Variants in HHIP observed in about 807,000 individuals in gnomAD.
HHIP encodes the protein hedgehog-interacting protein.
In HHIP, 12 loss-of-function variants were observed where a neutral mutation model predicts 74.0. The observed-to-expected ratio is 0.16, with a 90% CI of 0.10 to 0.26. The LOEUF is 0.26. Ranked by LOEUF, HHIP falls within the 10% of genes least tolerant of loss-of-function variation. The pLI is 1.00. For synonymous variants in HHIP, 309 were observed against 311.6 expected (o/e 0.99, Z 0.09); for missense variants, 788 against 845.0 (o/e 0.93, Z 0.84).
chr4:144,650,163 T>C (rs896974756), intron 1 of HHIP, among the ~76,000 whole-genome samples: 8 of 152,116 alleles, frequency 5.3e-5, no homozygotes, highest in African/African-American at 1.9e-4. Context: ...CTGTCACCCA[T>C]TTTACTATTT....
At chr4:144,721,216 T>C (rs1435414743) in intron 11 of HHIP, among the ~76,000 whole-genome samples, 1 of 152,172 alleles carries the variant, frequency 6.6e-6, no homozygotes, top group Non-Finnish European at 1.5e-5. Flanking sequence ...TTATTTTCTA[T>C]ATTATATGTC....
At chr4:144,710,949 C>T (rs755388027) in intron 7 of HHIP, among the ~76,000 whole-genome samples, 5 of 152,198 alleles carry the variant, frequency 3.3e-5, no homozygotes, top group Non-Finnish European at 5.9e-5. Flanking sequence ...TCCTCATACC[C>T]AGTCCCTCAG....
At chr4:144,655,472 G>A (rs542468430) in intron 2 of HHIP, among the ~76,000 whole-genome samples, 4 of 152,136 alleles carry the variant, frequency 2.6e-5, no homozygotes, top group African/African-American at 9.6e-5. Flanking sequence ...ATCACTCTTC[G>A]ACCTCATCTT....
At chr4:144,672,704 TTTTA>T (rs1348070183) in intron 4 of HHIP, among the ~76,000 whole-genome samples, 1 of 152,044 alleles carries the variant, frequency 6.6e-6, no homozygotes, top group Non-Finnish European at 1.5e-5. Context: ...TTAATTTTTA[TTTTA>T]TTTATTTATT....
rs908177230 is a variant in HHIP at position 144,724,675 on chromosome 4, T to A, written c.1760+5719T>A. The stretch of plus-strand genomic sequence containing the variant: ...GTGTGTGTGTGTGTGTGTGTATATA[T>A]ATATATTTATATATATATATAAGTA... On this transcript the variant is annotated intron_variant, in intron 11 of 12. Coordinates refer to ENST00000296575, the MANE Select transcript of HHIP (RefSeq NM_022475.3). 2.2e-4 allele frequency among the ~76,000 whole-genome samples: 21 copies of A among 94,952 alleles called. No homozygotes were observed. In the Admixed American group the frequency reaches 2.6e-3, roughly 12 times the overall value. The allele number at this position is 94,952 out of a possible 152,430, so 62.3% of individuals were successfully genotyped here. A position where few individuals can be genotyped will look rare whatever the true frequency, so the allele number is the denominator to read the frequency against.
chr4:144,647,915 G>C (rs1204642723), intron 1 of HHIP, among the ~76,000 whole-genome samples: 1 of 151,724 alleles, frequency 6.6e-6, no homozygotes, highest in African/African-American at 2.4e-5. Flanking sequence ...TCCTCTGTTA[G>C]AACACTGCCA....
rs1015771239 is a variant in HHIP at position 144,738,739 on chromosome 4, C to A, written c.*782C>A. 3 of 837,304 alleles carry A rather than the reference C, an allele frequency of 3.6e-6. No homozygotes were observed. Among genetic ancestry groups the A allele is most frequent in the African/African-American group, 3.7e-5 (2 of 54,012 alleles). The allele number at this position is 837,304 out of a possible 1,614,324, so 51.9% of individuals were successfully genotyped here. A position where few individuals can be genotyped will look rare whatever the true frequency, so the allele number is the denominator to read the frequency against. ...TATAGACATCACCTAGATGAAACAC[C>A]TTTACCCTGTCCTGTAAAACACTAA... On this transcript the variant is annotated 3_prime_UTR_variant, in exon 13 of 13. Transcript: ENST00000296575.
chr4:144,681,937 A>G (rs1322289872), intron 4 of HHIP, among the ~76,000 whole-genome samples: 1 of 152,198 alleles, frequency 6.6e-6, no homozygotes, highest in Non-Finnish European at 1.5e-5. Flanking sequence ...GAATCATGCC[A>G]CCTAGCTCTT....
intron 4 of HHIP, among the ~76,000 whole-genome samples, chr4:144,692,974 GAC>G (rs1295722508): frequency 1.3e-5 from 2 of 152,094 alleles, no homozygotes; most frequent in Non-Finnish European, 2.9e-5. Context: ...ATAGGAATCT[GAC>G]ACATGAGGAC....
At chr4:144,728,702 G>C (rs905549861) in intron 11 of HHIP, among the ~76,000 whole-genome samples, 1 of 152,076 alleles carries the variant, frequency 6.6e-6, no homozygotes, top group Non-Finnish European at 1.5e-5. Flanking sequence ...ACTTCAGATA[G>C]TACTTGAAAA....
chr4:144,724,648 TTG>T (rs10565498), intron 11 of HHIP, among the ~76,000 whole-genome samples: 24,117 of 142,278 alleles, frequency 0.17, 2,852 homozygotes, highest in African/African-American at 0.31. Context: ...CAGTCTTCTT[TTG>T]TGTGTGTGTG....
At chr4:144,659,166 A>G (rs1728632739) in intron 3 of HHIP, among the ~76,000 whole-genome samples, 1 of 152,036 alleles carries the variant, frequency 6.6e-6, no homozygotes, top group African/African-American at 2.4e-5. Flanking sequence ...CTTCTCTATG[A>G]CTCATGTCAA....
At chr4:144,664,769 T>C (rs1416781116) in intron 4 of HHIP, among the ~76,000 whole-genome samples, 1 of 152,218 alleles carries the variant, frequency 6.6e-6, no homozygotes, top group African/African-American at 2.4e-5. Context: ...ATTATATTTG[T>C]TAAATATTAC....
At chr4:144,661,295 T>A (rs1728707556) in intron 4 of HHIP, 1 of 152,202 alleles carries the variant, frequency 6.6e-6, no homozygotes, top group Admixed American at 6.5e-5. Flanking sequence ...AGTATGTGTA[T>A]TCTGCAGTCT....
Position 144,707,192 on chromosome 4 carries a change from C to T in HHIP, c.1089C>T (p.Gly363=). ...GACAACTGCTCTTTGGCCCTGACGGCTTTTTGTACATCATTCTTGGTGATG... is the reference window on the plus strand; with the variant it reads ...GACAACTGCTCTTTGGCCCTGACGGTTTTTTGTACATCATTCTTGGTGATG... ...LGGQLLFGPD[G]FLYIILGDGM... The change falls in exon 6 of 13, where the codon GGC becomes GGT. Residue 363 remains glycine, a synonymous_variant. Transcript: ENST00000296575. The T allele has an allele frequency of 6.2e-7, 1 of 1,613,982 alleles. No homozygotes were observed. The highest frequency in any genetic ancestry group is 8.5e-7 in the Non-Finnish European group (1 of 1,179,948).
chr4:144,683,690 T>C (rs988236477), intron 4 of HHIP, among the ~76,000 whole-genome samples: 15 of 152,172 alleles, frequency 9.9e-5, no homozygotes, highest in African/African-American at 3.4e-4. Context: ...TTTTTGTAAA[T>C]AAAGTTTTAT....
At position 144,738,265 on chromosome 4, in the gene HHIP, TG is replaced by T. The variant is rs1395961195; in HGVS notation, c.*309del. 1.0e-6 allele frequency: 1 copy of T among 992,500 alleles called. No individual in the cohort carries two copies. The allele number at this position is 992,500 out of a possible 1,614,324, so 61.5% of individuals were successfully genotyped here. On this transcript the variant is annotated 3_prime_UTR_variant, in exon 13 of 13. Coordinates refer to ENST00000296575, the MANE Select transcript of HHIP (RefSeq NM_022475.3). ...TTGTAAATTGATAATGGATTTTTTA[TG>T]TTACTAGAAGAGATTATTTGACTTC...
Position 144,708,236 on chromosome 4 carries a change from C to G in HHIP, c.1226C>G (p.Pro409Arg). 1 of 1,614,062 alleles carries G rather than the reference C, an allele frequency of 6.2e-7. No homozygotes were observed. Among genetic ancestry groups the G allele is most frequent in the Non-Finnish European group, 8.5e-7 (1 of 1,179,964 alleles). The change falls in exon 7 of 13, where the codon CCA becomes CGA. Residue 409 changes from proline (P) to arginine (R), a missense_variant. Pro to Arg is a moderately radical substitution (Grantham distance 103). Coordinates refer to ENST00000296575, the MANE Select transcript of HHIP (RefSeq NM_022475.3). ...TDMCNVPYSIPRSNPHFNSTN... is the reference protein window; with the variant it reads ...TDMCNVPYSIRRSNPHFNSTN... ...ATGTGCAACGTGCCTTATTCCATAC[C>G]AAGGAGCAACCCACACTTCAACAGC...
intron 4 of HHIP, among the ~76,000 whole-genome samples, chr4:144,695,111 A>G (rs1404962514): frequency 6.6e-6 from 1 of 151,832 alleles, no homozygotes; most frequent in Non-Finnish European, 1.5e-5. Flanking sequence ...TCCAAAGGAA[A>G]TACTTGCTTT....
Sources: gnomAD v4.1 joint callset for allele counts (sites outside exome capture counted in the v4.1 genomes callset) on GRCh38, gnomAD v4.1.1 for gene constraint, MANE v1.5 for transcripts, NCBI Gene and HGNC (gene_info 2026-07-23, HGNC 2026-07-21) for gene names.